Variants in PRKD1 observed in about 807,000 individuals in gnomAD.
PRKD1 encodes serine/threonine-protein kinase D1.
PRKD1 carries 63 observed loss-of-function variants against 95.9 expected under a neutral mutation model. The observed-to-expected ratio is 0.66, with a 90% CI of 0.54 to 0.81. The LOEUF is 0.81. Ranked by LOEUF, PRKD1 falls within the 30% of genes least tolerant of loss-of-function variation. The probability of loss-of-function intolerance (pLI) is 0.00; values close to 1 mark genes in which losing one functional copy is unlikely to be tolerated. For synonymous variants in PRKD1, 425 were observed against 423.1 expected (o/e 1.00, Z -0.05); for missense variants, 1,048 against 1,165.3 (o/e 0.90, Z 1.47).
At chr14:29,855,322 G>A (rs1216821454) in intron 1 of PRKD1, among the ~76,000 whole-genome samples, 1 of 152,190 alleles carries the variant, frequency 6.6e-6, no homozygotes, top group African/African-American at 2.4e-5. Flanking sequence ...TCTTATATCA[G>A]CATGACCTGG....
intron 2 of PRKD1, among the ~76,000 whole-genome samples, chr14:29,717,928 T>G (rs1196898369): frequency 1.3e-5 from 2 of 152,110 alleles, no homozygotes; most frequent in Admixed American, 1.3e-4. Flanking sequence ...GTGTCATTGC[T>G]TCTCCATCTC....
chr14:29,713,476 G>C (rs1396262374), intron 2 of PRKD1, among the ~76,000 whole-genome samples: 1 of 152,128 alleles, frequency 6.6e-6, no homozygotes, highest in Non-Finnish European at 1.5e-5. Flanking sequence ...TTATATGACT[G>C]TTTTTAAATG....
At chr14:29,820,871 G>C (rs558418998) in intron 1 of PRKD1, among the ~76,000 whole-genome samples, 7 of 152,318 alleles carry the variant, frequency 4.6e-5, no homozygotes, top group African/African-American at 1.7e-4. Context: ...ACATCAACAA[G>C]GAAAGAGGCA....
chr14:29,655,503 A>C (rs2139189149), intron 4 of PRKD1, among the ~76,000 whole-genome samples: 1 of 152,306 alleles, frequency 6.6e-6, no homozygotes, highest in Non-Finnish European at 1.5e-5. Flanking sequence ...TAGTCCCATG[A>C]GGGAAAATAA....
Position 29,584,539 on chromosome 14 carries a change from T to C in PRKD1, c.2435-6179A>G, listed in dbSNP as rs1951534. On this transcript the variant is annotated intron_variant, in intron 16 of 17. Transcript: ENST00000331968. ...AAGGTCACACAGATTGGGTATTCAT[T>C]TTTTTTCGCACATAAGTTTTATAAA... Among the ~76,000 whole-genome samples the C allele has an allele frequency of 7.9e-3, 1,200 of 152,260 alleles. 53 individuals carry two copies. The highest frequency in any genetic ancestry group is 0.069 in the Admixed American group (1,062 of 15,282).
rs368658281 is a variant in PRKD1, at chr14:29,638,696, T to C, written c.905A>G (p.Lys302Arg). Reference protein sequence around the residue: ...KGLFRQGLQCKDCRFNCHKRC... With the variant: ...KGLFRQGLQCRDCRFNCHKRC... ...ACAGGTGACAAAATCATCCTTACCT[T>C]TGCACTGCAAGCCCTGCCTGAAAAG... The change falls in exon 5 of 18, where the codon AAA (lysine) becomes AGA (arginine). Residue 302 changes from lysine (K) to arginine (R), a missense_variant and splice_region_variant. By Grantham distance (26) the Lys-to-Arg change is conservative. This residue lies in a region of PRKD1 where 739 missense variants were observed against 861.9 expected (regional missense o/e 0.86). Transcript: ENST00000331968. The C allele has an allele frequency of 1.8e-4, 292 of 1,613,958 alleles. No homozygotes were observed. Among genetic ancestry groups the C allele is most frequent in the Non-Finnish European group, 2.4e-4 (282 of 1,179,990 alleles).
At chr14:29,698,161 T>A (rs45584335) in intron 2 of PRKD1, among the ~76,000 whole-genome samples, 67 of 152,286 alleles carry the variant, frequency 4.4e-4, no homozygotes, top group African/African-American at 1.6e-3. Context: ...AATTAAGTTT[T>A]GGAAAAACTG....
At position 29,636,285 on chromosome 14, in the gene PRKD1, C is replaced by G. The variant is rs746206674; in HGVS notation, c.1190+5G>C. The G allele has an allele frequency of 3.1e-6, 5 of 1,614,212 alleles. No individual in the cohort carries two copies. The highest frequency in any genetic ancestry group is 8.5e-7 in the Non-Finnish European group (1 of 1,180,028). ...GTTGGCTGAGGCTGGGAGTGCTGCT[C>G]TCACCTGATGGTTCTGTTGGCGTCC... is the stretch of plus-strand genomic sequence containing the variant. On this transcript the variant is annotated splice_donor_5th_base_variant and intron_variant, in intron 7 of 17. Coordinates refer to ENST00000331968, the MANE Select transcript of PRKD1 (RefSeq NM_002742.3).
At chr14:29,899,583 G>A (rs1300569293) in intron 1 of PRKD1, among the ~76,000 whole-genome samples, 1 of 152,156 alleles carries the variant, frequency 6.6e-6, no homozygotes, top group Non-Finnish European at 1.5e-5. Context: ...GGAGGTGGCG[G>A]TTGCAGTGAG....
At chr14:29,872,835 C>T (rs1234613338) in intron 1 of PRKD1, among the ~76,000 whole-genome samples, 4 of 152,206 alleles carry the variant, frequency 2.6e-5, no homozygotes, top group East Asian at 1.9e-4. Context: ...TATTTAGAAG[C>T]TGTTATTTAC....
chr14:29,785,257 T>A (rs764620843), intron 1 of PRKD1, among the ~76,000 whole-genome samples: 15 of 152,306 alleles, frequency 9.8e-5, no homozygotes, highest in Non-Finnish European at 1.9e-4. Context: ...CTACTTAGCC[T>A]TTCTGGTGGT....
chr14:29,641,987 G>T (rs112951975), intron 4 of PRKD1, among the ~76,000 whole-genome samples: 4,172 of 142,270 alleles, frequency 0.029, 182 homozygotes, highest in African/African-American at 0.096. Context: ...CACTGCAGCC[G>T]CTGCCTCCCA....
At chr14:29,897,514 A>G (rs989826797) in intron 1 of PRKD1, among the ~76,000 whole-genome samples, 6 of 152,160 alleles carry the variant, frequency 3.9e-5, no homozygotes, top group Non-Finnish European at 8.8e-5. Context: ...ACAGACCTTC[A>G]TCATTTACTA....
chr14:29,603,961 A>G (rs754898075), intron 13 of PRKD1, among the ~76,000 whole-genome samples: 1 of 152,208 alleles, frequency 6.6e-6, no homozygotes, highest in African/African-American at 2.4e-5. Context: ...CGGGGTGAAT[A>G]TAAGTTGTTT....
At chr14:29,910,512 T>G (rs558048476) in intron 1 of PRKD1, among the ~76,000 whole-genome samples, 2 of 152,138 alleles carry the variant, frequency 1.3e-5, no homozygotes, top group Non-Finnish European at 2.9e-5. Flanking sequence ...ACTGCCAACA[T>G]TCAATCACAT....
At chr14:29,834,476 A>C (rs1891534399) in intron 1 of PRKD1, among the ~76,000 whole-genome samples, 1 of 152,156 alleles carries the variant, frequency 6.6e-6, no homozygotes, top group Non-Finnish European at 1.5e-5. Context: ...GTCCTCATAT[A>C]TAACTAAATT....
intron 16 of PRKD1, among the ~76,000 whole-genome samples, chr14:29,595,221 C>T (rs929467208): frequency 6.6e-6 from 1 of 152,078 alleles, no homozygotes; most frequent in Non-Finnish European, 1.5e-5. Flanking sequence ...AATATAAATG[C>T]CTTTTGAATT....
intron 1 of PRKD1, among the ~76,000 whole-genome samples, chr14:29,814,272 T>G (rs1366022314): frequency 6.6e-6 from 1 of 152,126 alleles, no homozygotes; most frequent in Non-Finnish European, 1.5e-5. Context: ...CCCAGTCAGG[T>G]GTAGGTATGG....
intron 1 of PRKD1, among the ~76,000 whole-genome samples, chr14:29,771,980 C>A (rs1386554438): frequency 6.6e-6 from 1 of 152,196 alleles, no homozygotes; most frequent in African/African-American, 2.4e-5. Context: ...TTTCAAAATG[C>A]ATAATTTGTT....
Sources: gnomAD v4.1 joint callset for allele counts (sites outside exome capture counted in the v4.1 genomes callset) on GRCh38, gnomAD v4.1.1 for gene constraint, gnomAD v4.1.1 regional missense constraint, MANE v1.5 for transcripts, NCBI Gene and HGNC (gene_info 2026-07-23, HGNC 2026-07-21) for gene names.